The following MYO10 variants were observed in gnomAD, a reference collection of about 807,000 sequenced individuals.
MYO10 encodes the protein myosin X.
A neutral mutation model predicts 257.3 loss-of-function variants in MYO10; 133 were observed. That is an observed-to-expected ratio of 0.52 (90% CI 0.45 to 0.60). The LOEUF is 0.60. Among genes scored for constraint, MYO10 ranks in the 20% least tolerant of loss-of-function variants. The pLI, the probability that MYO10 is intolerant of heterozygous loss-of-function variation, is 0.00. For missense variants in MYO10, 2,399 were observed against 2,635.7 expected (o/e 0.91, Z 1.97); for synonymous variants, 1,104 against 1,028.6 (o/e 1.07, Z -1.40).
In MYO10 at chr5:16,711,239, C is replaced by A; in HGVS notation, c.1936G>T (p.Asp646Tyr). 1 of 1,597,000 alleles carries A rather than the reference C, an allele frequency of 6.3e-7. No homozygotes were observed. The highest frequency in any genetic ancestry group is 1.1e-5 in the South Asian group (1 of 89,872). Residue 646 changes from aspartate (D) to tyrosine (Y), a missense_variant, in exon 20 of 41, where the codon GAC (aspartate) becomes TAC (tyrosine). Asp to Tyr is a radical substitution (Grantham distance 160). This residue lies in a region of MYO10 where 1,820 missense variants were observed against 1,939.4 expected (regional missense o/e 0.94). Transcript: ENST00000513610. ...AGCACAACCGCCTGGTCAAACTGGT[C>A]TGGCATCTAAACCATGCAAAAAAAA... The part of the protein sequence containing the change: ...CIKPNMQKMP[D>Y]QFDQAVVLNQ...
intron 26 of MYO10, 34 bp downstream of exon 26, chr5:16,699,416 C>G (rs766271692): frequency 2.7e-5 from 43 of 1,609,130 alleles, no homozygotes; most frequent in Non-Finnish European, 3.1e-5. Context: ...TCGCTCTCCC[C>G]CTAACCCAGA....
intron 26 of MYO10, among the ~76,000 whole-genome samples, chr5:16,698,628 T>TTTTTTTG (rs1262138783): frequency 7.2e-6 from 1 of 139,414 alleles, no homozygotes; most frequent in Non-Finnish European, 1.5e-5. Flanking sequence ...ATGCAGTTTT[T>TTTTTTTG]TTTTTTTTTT....
chr5:16,844,394 T>C (rs1056741766), intron 2 of MYO10, among the ~76,000 whole-genome samples: 9 of 151,856 alleles, frequency 5.9e-5, no homozygotes, highest in Non-Finnish European at 1.5e-5. Context: ...ACGATTTATC[T>C]AACTGGCTCT....
intron 28 of MYO10, among the ~76,000 whole-genome samples, chr5:16,689,574 G>A (rs1171966146): frequency 6.6e-6 from 1 of 151,910 alleles, no homozygotes; most frequent in Non-Finnish European, 1.5e-5. Flanking sequence ...TGAGAGACAG[G>A]TGACAATGGA....
chr5:16,762,906 G>C (rs530885670), intron 14 of MYO10, among the ~76,000 whole-genome samples: 4 of 151,066 alleles, frequency 2.6e-5, no homozygotes, highest in African/African-American at 9.7e-5. Context: ...GGAGGTTGCA[G>C]TGAGCCAAGT....
chr5:16,711,943 TATC>T (rs1294635377), intron 19 of MYO10, among the ~76,000 whole-genome samples: 1 of 152,182 alleles, frequency 6.6e-6, no homozygotes, highest in Non-Finnish European at 1.5e-5. Context: ...GTATCACAAA[TATC>T]ATAAATGTAC....
chr5:16,680,810 A>G (rs1736958284), intron 32 of MYO10, among the ~76,000 whole-genome samples: 1 of 152,164 alleles, frequency 6.6e-6, no homozygotes, highest in Non-Finnish European at 1.5e-5. Flanking sequence ...CCTGGCCCAC[A>G]TGGCAAAACC....
chr5:16,792,132 C>G (rs480857), intron 4 of MYO10, among the ~76,000 whole-genome samples: 5,788 of 75,134 alleles, frequency 0.077, 222 homozygotes, highest in African/African-American at 0.13. Context: ...CACACACACA[C>G]AGAGAGAGAG....
At chr5:16,780,857 T>G in intron 6 of MYO10, 116 bp from the exon 7 acceptor site, 1 of 1,087,038 alleles carries the variant, frequency 9.2e-7, no homozygotes, top group Non-Finnish European at 1.3e-6. Flanking sequence ...CCTGTTCCTT[T>G]GACATAGAAG....
At chr5:16,868,584 G>A (rs549003132) in intron 2 of MYO10, among the ~76,000 whole-genome samples, 80 of 151,482 alleles carry the variant, frequency 5.3e-4, no homozygotes, top group South Asian at 1.9e-3. Context: ...CAGCCTGGGT[G>A]ACAGAGCAAG....
intron 3 of MYO10, 38 bp from the exon 4 acceptor site, chr5:16,794,871 A>G: frequency 7.3e-7 from 1 of 1,367,928 alleles, no homozygotes; most frequent in Non-Finnish European, 9.6e-7. Flanking sequence ...CGTCACTTCT[A>G]ACCCAGGCCA....
intron 19 of MYO10, among the ~76,000 whole-genome samples, chr5:16,718,973 T>A (rs1268653931): frequency 6.6e-6 from 1 of 152,188 alleles, no homozygotes; most frequent in Non-Finnish European, 1.5e-5. Flanking sequence ...CAGCAGGATG[T>A]GGGTGGGGCC....
intron 19 of MYO10, among the ~76,000 whole-genome samples, chr5:16,747,234 C>T (rs1027877147): frequency 6.6e-6 from 1 of 152,190 alleles, no homozygotes; most frequent in Admixed American, 6.5e-5. Flanking sequence ...ACATTAAAGA[C>T]ACCACCCCAA....
At chr5:16,772,967 G>T (rs531817919) in intron 9 of MYO10, among the ~76,000 whole-genome samples, 1 of 152,248 alleles carries the variant, frequency 6.6e-6, no homozygotes, top group African/African-American at 2.4e-5. Context: ...TTGGGGCAGA[G>T]GATTCCCTTT....
At chr5:16,813,444 T>TAC (rs1489212609) in intron 3 of MYO10, among the ~76,000 whole-genome samples, 6 of 151,608 alleles carry the variant, frequency 4.0e-5, no homozygotes, top group Non-Finnish European at 8.8e-5. Context: ...ACTATATATA[T>TAC]ACTCAGGCGA....
At chr5:16,737,518 G>A (rs952975971) in intron 19 of MYO10, among the ~76,000 whole-genome samples, 3 of 152,174 alleles carry the variant, frequency 2.0e-5, no homozygotes, top group Non-Finnish European at 2.9e-5. Flanking sequence ...AGTGTGAAAC[G>A]ATACACCATT....
At chr5:16,912,096 T>G (rs1745674741) in intron 1 of MYO10, among the ~76,000 whole-genome samples, 1 of 152,158 alleles carries the variant, frequency 6.6e-6, no homozygotes, top group Non-Finnish European at 1.5e-5. Flanking sequence ...AGTCGTCTTA[T>G]TGTTAGTGTT....
intron 3 of MYO10, among the ~76,000 whole-genome samples, chr5:16,805,476 A>AG (rs1348825577): frequency 1.6e-3 from 228 of 146,734 alleles, no homozygotes; most frequent in African/African-American, 5.4e-3. Flanking sequence ...AAAAAAAAAA[A>AG]AAAAGAAAAG....
Position 16,694,533 on chromosome 5 carries a change from G to A in MYO10, c.3638C>T (p.Ala1213Val). ...TTTGTGGAGCCAGCCTTGCTTGAGG[G>A]CCTCCTGCTTGGAGCGGAACCACAA... is the stretch of plus-strand genomic sequence containing the variant. The part of the protein sequence containing the change: ...TFLWFRSKQE[A>V]LKQGWLHKKG... Residue 1213 changes from alanine (A) to valine (V), a missense_variant, in exon 27 of 41, where the codon GCC becomes GTC. Around this residue, in one of 3 missense-constraint regions of MYO10, gnomAD observed 1,820 missense variants for 1,939.4 expected, o/e 0.94. Coordinates refer to ENST00000513610, the MANE Select transcript of MYO10 (RefSeq NM_012334.3). 1.2e-6 allele frequency: 2 copies of A among 1,614,016 alleles called. No individual in the cohort carries two copies. Among genetic ancestry groups the A allele is most frequent in the Non-Finnish European group, 1.7e-6 (2 of 1,179,900 alleles).
Sources: allele counts gnomAD v4.1 joint callset (sites outside exome capture counted in the v4.1 genomes callset), GRCh38; gene constraint gnomAD v4.1.1; regional missense constraint gnomAD v4.1.1; transcripts MANE v1.5; gene names NCBI Gene and HGNC (gene_info 2026-07-23, HGNC 2026-07-21).